Variants in MYH11 observed in about 807,000 individuals in gnomAD.
The protein encoded by MYH11 is myosin heavy chain 11.
In MYH11, 80 loss-of-function variants were observed where a neutral mutation model predicts 246.6. The observed-to-expected ratio is 0.32, with a 90% CI of 0.27 to 0.39. The LOEUF (loss-of-function observed/expected upper bound fraction) is 0.39, where lower values mean the gene tolerates loss of function less well. MYH11 is among the 10% of genes least tolerant of loss of function. MYH11 has a pLI of 1.00. For synonymous variants in MYH11, 1,071 were observed against 1,015.5 expected (o/e 1.05, Z -1.04); for missense variants, 2,158 against 2,546.8 (o/e 0.85, Z 3.29).
chr16:15,800,038 G>A (rs1246148706), intron 3 of MYH11, among the ~76,000 whole-genome samples: 3 of 151,344 alleles, frequency 2.0e-5, no homozygotes, highest in Non-Finnish European at 4.4e-5. Context: ...GTGGGTGGGT[G>A]GATGAATAGA....
chr16:15,709,489 A>AT (rs2039659734), intron 40 of MYH11, among the ~76,000 whole-genome samples: 2 of 151,918 alleles, frequency 1.3e-5, no homozygotes, highest in Admixed American at 6.6e-5. Flanking sequence ...TAATTTTCAT[A>AT]TTTTTAGTAG....
chr16:15,704,649 G>A (rs2039351979), intron 40 of MYH11, among the ~76,000 whole-genome samples: 1 of 152,174 alleles, frequency 6.6e-6, no homozygotes, highest in African/African-American at 2.4e-5. Context: ...GGGCAGCCTT[G>A]AGAAGGACAC....
chr16:15,838,441 C>A (rs1302798117), intron 1 of MYH11, among the ~76,000 whole-genome samples, 172 bp from the exon 2 acceptor site: 1 of 152,156 alleles, frequency 6.6e-6, no homozygotes, highest in Non-Finnish European at 1.5e-5. Context: ...AAAGGCCCTT[C>A]AGAAAGGGAT....
In MYH11 at chr16:15,726,938, C is replaced by G. The variant is rs764242549; in HGVS notation, c.3768G>C (p.Lys1256Asn). ...GCAGCTCCTGCACCTGCGCCTCCAG[C>G]TTCTTCTTCTTATGTTCCACCTCCT... ...AKQEVEHKKK[K>N]LEAQVQELQS... Residue 1256 changes from lysine (K) to asparagine (N), a missense_variant, in exon 28 of 41, where the codon AAG (lysine) becomes AAC (asparagine). Transcript: ENST00000300036. 1 of 1,613,202 alleles carries G rather than the reference C, an allele frequency of 6.2e-7. No homozygotes were observed.
chr16:15,832,569 A>G (rs1173367719), intron 2 of MYH11, among the ~76,000 whole-genome samples: 1 of 152,240 alleles, frequency 6.6e-6, no homozygotes, highest in African/African-American at 2.4e-5. Flanking sequence ...GCAATGCCAG[A>G]AACAGATTTC....
intron 4 of MYH11, among the ~76,000 whole-genome samples, chr16:15,793,518 T>C (rs2042663321): frequency 6.6e-6 from 1 of 152,074 alleles, no homozygotes; most frequent in Admixed American, 6.6e-5. Flanking sequence ...GTCTCAAACT[T>C]CTGGCTTCCA....
rs2041513013 is a variant in MYH11 at position 15,749,679 on chromosome 16, C to T, written c.2058+459G>A. ...GTGCATTGTACAATGCTTAGGGCAT[C>T]CCTGGCCCCTACCCACTAGATGCTG... On this transcript the variant is annotated intron_variant, in intron 16 of 40. Transcript: ENST00000300036. 1.2e-5 allele frequency: 3 copies of T among 240,390 alleles called. No homozygotes were observed. The South Asian group carries it at 1.9e-4, about 15-fold the overall frequency. 14.9% of individuals were successfully genotyped at this position (240,390 alleles called of 1,614,324 possible).
chr16:15,826,700 G>C (rs1276822708), intron 2 of MYH11, among the ~76,000 whole-genome samples: 1 of 152,046 alleles, frequency 6.6e-6, no homozygotes, highest in Non-Finnish European at 1.5e-5. Flanking sequence ...ATTCTTTGAA[G>C]GTACAGGATT....
chr16:15,838,840 G>C (rs1357246083), intron 1 of MYH11, among the ~76,000 whole-genome samples: 6 of 128,498 alleles, frequency 4.7e-5, no homozygotes, highest in African/African-American at 1.8e-4. Context: ...CTGGGTGACA[G>C]AGCCAGACTC....
chr16:15,742,814 T>G (rs2041312772), intron 20 of MYH11, among the ~76,000 whole-genome samples: 1 of 149,798 alleles, frequency 6.7e-6, no homozygotes, highest in South Asian at 2.1e-4. Flanking sequence ...ATAGCCATCT[T>G]TTAAGTTAAT....
Position 15,719,702 on chromosome 16 carries a change from C to A in MYH11, c.4965G>T (p.Lys1655Asn). Residue 1655 changes from lysine to asparagine, a missense_variant, in exon 35 of 41, where the codon AAG (lysine) becomes AAT (asparagine). Lys to Asn is a moderately conservative substitution (Grantham distance 94, BLOSUM62 0). Around this residue, in one of 11 missense-constraint regions of MYH11, gnomAD observed 1,013 missense variants for 993.5 expected, o/e 1.02. Transcript: ENST00000300036. ...CATCTTCCAGCTCTCTTTGAAAGTC[C>A]TTCATCTGAGCCTGCATGAGTCAAC... ...KQLRKLQAQMKDFQRELEDAR... is the reference protein window; with the variant it reads ...KQLRKLQAQMNDFQRELEDAR... 1 of 1,614,180 alleles carries A rather than the reference C, an allele frequency of 6.2e-7. No homozygotes were observed. The highest frequency in any genetic ancestry group is 1.3e-5 in the African/African-American group (1 of 75,046).
intron 13 of MYH11, 149 bp from the exon 14 acceptor site, chr16:15,756,663 T>G (rs2151273162): frequency 2.4e-6 from 2 of 820,290 alleles, no homozygotes. Context: ...ATGACCCCCA[T>G]GCTTCCAAAT....
At chr16:15,816,005 C>T (rs1212217820) in intron 3 of MYH11, among the ~76,000 whole-genome samples, 3 of 152,148 alleles carry the variant, frequency 2.0e-5, no homozygotes, top group Non-Finnish European at 4.4e-5. Flanking sequence ...ATTTTAAACC[C>T]AACTAAACTA....
intron 2 of MYH11, among the ~76,000 whole-genome samples, chr16:15,833,381 G>GAGGAAGGAAGGAAGGA (rs148317130): frequency 1.5e-5 from 2 of 136,856 alleles, no homozygotes; most frequent in Admixed American, 7.4e-5. Context: ...GGGAGGGAGG[G>GAGGAAGGAAGGAAGGA]AGGGAGGAAG....
chr16:15,718,257 G>C, intron 37 of MYH11, 58 bp downstream of exon 37: 5 of 1,603,184 alleles, frequency 3.1e-6, no homozygotes, highest in Non-Finnish European at 4.2e-6. Context: ...ACTGGTGCAG[G>C]ATCCTGCTGC....
chr16:15,717,080 A>G (rs912813503), intron 38 of MYH11, 60 bp downstream of exon 38: 21 of 1,566,270 alleles, frequency 1.3e-5, no homozygotes, highest in Middle Eastern at 3.4e-4. Context: ...TGACTTCACT[A>G]TGACTCCTGC....
At chr16:15,744,092 G>A (rs2041350514) in intron 20 of MYH11, among the ~76,000 whole-genome samples, 1 of 151,480 alleles carries the variant, frequency 6.6e-6, no homozygotes, top group Non-Finnish European at 1.5e-5. Flanking sequence ...GTAACAGAGT[G>A]AGACTCCATT....
At chr16:15,803,370 G>T (rs2042933744) in intron 3 of MYH11, among the ~76,000 whole-genome samples, 1 of 150,916 alleles carries the variant, frequency 6.6e-6, no homozygotes, top group African/African-American at 2.4e-5. Context: ...TCTGCCTCCT[G>T]GTTTCAAGCA....
At chr16:15,705,596 T>C (rs1465905898) in intron 40 of MYH11, among the ~76,000 whole-genome samples, 5 of 152,110 alleles carry the variant, frequency 3.3e-5, no homozygotes, top group African/African-American at 1.2e-4. Flanking sequence ...TTTTAGGACA[T>C]CAAAGAAGAG....
Sources: allele counts gnomAD v4.1 joint callset (sites outside exome capture counted in the v4.1 genomes callset), GRCh38; gene constraint gnomAD v4.1.1; regional missense constraint gnomAD v4.1.1; transcripts MANE v1.5; gene names NCBI Gene and HGNC (gene_info 2026-07-23, HGNC 2026-07-21).